Variants in FOXP1 observed in about 807,000 individuals in gnomAD.
FOXP1 encodes the protein forkhead box protein P1.
FOXP1 carries 15 observed loss-of-function variants against 98.2 expected under a neutral mutation model. The observed-to-expected ratio is 0.15, with a 90% CI of 0.10 to 0.24. FOXP1 has a LOEUF of 0.24. Ranked by LOEUF, FOXP1 falls within the 10% of genes least tolerant of loss-of-function variation. FOXP1 has a pLI of 1.00. For missense variants in FOXP1, 633 were observed against 848.5 expected, an observed-to-expected ratio of 0.75 and a Z score of 3.15; for synonymous variants, 371 against 314.5, an observed-to-expected ratio of 1.18 and a Z score of -1.90.
chr3:71,264,168 C>G (rs2069423884), intron 5 of FOXP1, among the ~76,000 whole-genome samples: 1 of 152,112 alleles, frequency 6.6e-6, no homozygotes, highest in African/African-American at 2.4e-5. Flanking sequence ...AGCATGTAAC[C>G]ATTGTACCCA....
intron 12 of FOXP1, among the ~76,000 whole-genome samples, chr3:71,011,041 C>G (rs920252583): frequency 6.6e-6 from 1 of 152,100 alleles, no homozygotes; most frequent in African/African-American, 2.4e-5. Context: ...TAGGCAAGAT[C>G]CTGATACCTG....
At chr3:71,273,638 C>A (rs181284567) in intron 5 of FOXP1, among the ~76,000 whole-genome samples, 6 of 152,268 alleles carry the variant, frequency 3.9e-5, no homozygotes, top group African/African-American at 9.6e-5. Context: ...TGGAACACAA[C>A]CCTTTGCTAA....
intron 6 of FOXP1, among the ~76,000 whole-genome samples, chr3:71,150,895 G>A (rs1425695880): frequency 1.3e-5 from 2 of 152,128 alleles, no homozygotes; most frequent in Non-Finnish European, 2.9e-5. Flanking sequence ...TACTGGCCCT[G>A]TGAAGCCAGT....
rs1280676128 is a variant in FOXP1, at chr3:71,268,084, T to C, written c.-12+31736A>G. Among the ~76,000 whole-genome samples the C allele has an allele frequency of 2.8e-5, 4 of 144,300 alleles. No individual in the cohort carries two copies. The East Asian group carries it at 1.0e-3, about 38-fold the overall frequency. 94.7% of individuals were successfully genotyped at this position (144,300 alleles called of 152,430 possible). On this transcript the variant is annotated intron_variant, in intron 5 of 20. Transcript: ENST00000649528. ...TTATTTCAGCTTCTTTTTTTTCTTTTCTTTTCTTTTTTTTTTTTTTTTTTG... is the reference window on the plus strand; with the variant it reads ...TTATTTCAGCTTCTTTTTTTTCTTTCCTTTTCTTTTTTTTTTTTTTTTTTG...
At chr3:71,443,124 C>A (rs1033698755) in intron 3 of FOXP1, among the ~76,000 whole-genome samples, 1 of 152,154 alleles carries the variant, frequency 6.6e-6, no homozygotes, top group Non-Finnish European at 1.5e-5. Context: ...GAACTCCTGA[C>A]CTCAGGTGAT....
intron 5 of FOXP1, among the ~76,000 whole-genome samples, chr3:71,273,747 A>G (rs1311699569): frequency 1.3e-5 from 2 of 152,208 alleles, no homozygotes; most frequent in Non-Finnish European, 2.9e-5. Flanking sequence ...ATAACAATAC[A>G]AAGTAATAAA....
At chr3:71,571,436 T>C (rs1201440758) in intron 2 of FOXP1, 1 of 152,226 alleles carries the variant, frequency 6.6e-6, no homozygotes, top group Non-Finnish European at 1.5e-5. Flanking sequence ...AAACACTATC[T>C]ACCTTTATAC....
At position 70,955,337 on chromosome 3, in the gene FOXP1, G is replaced by T; in HGVS notation, c.*3910C>A. 4.3e-6 allele frequency: 1 copy of T among 232,930 alleles called. No individual in the cohort carries two copies. The allele number at this position is 232,930 out of a possible 1,614,324, so 14.4% of individuals were successfully genotyped here. A position where few individuals can be genotyped will look rare whatever the true frequency, so the allele number is the denominator to read the frequency against. Reference sequence around the variant, plus strand: ...GATGGTGTTAGAGCTGTCCAAAGGTGGCAGGACTGGTGGTAACTCTTCACG... The same window carrying T: ...GATGGTGTTAGAGCTGTCCAAAGGTTGCAGGACTGGTGGTAACTCTTCACG... On this transcript the variant is annotated 3_prime_UTR_variant, in exon 21 of 21. Transcript: ENST00000649528.
rs376463961 is a variant in FOXP1, at chr3:71,210,618, C to A, written c.-11-12226G>T. Among the ~76,000 whole-genome samples the A allele has an allele frequency of 7.2e-5, 11 of 152,344 alleles. No individual in the cohort carries two copies. The East Asian group carries it at 1.2e-3, about 16-fold the overall frequency. On this transcript the variant is annotated intron_variant, in intron 5 of 20. Transcript: ENST00000649528. ...CAACTGATTGATGATGCAAGTCCGG[C>A]TGCTGGAACAACTAACAGAGAGAAT...
chr3:70,985,838 C>T (rs1184319855), intron 14 of FOXP1, among the ~76,000 whole-genome samples: 1 of 152,194 alleles, frequency 6.6e-6, no homozygotes, highest in South Asian at 2.1e-4. Flanking sequence ...GCTGCTCTAG[C>T]TGTCAAAGGT....
chr3:71,300,886 C>A (rs2073784374), intron 4 of FOXP1, among the ~76,000 whole-genome samples: 1 of 152,146 alleles, frequency 6.6e-6, no homozygotes, highest in African/African-American at 2.4e-5. Context: ...CATCCCTCTG[C>A]TGTCAGCCCT....
At chr3:71,481,133 C>T (rs1212142126) in intron 3 of FOXP1, among the ~76,000 whole-genome samples, 2 of 152,128 alleles carry the variant, frequency 1.3e-5, no homozygotes, top group African/African-American at 2.4e-5. Context: ...GATCACAAAC[C>T]AAATATTTTG....
intron 4 of FOXP1, among the ~76,000 whole-genome samples, chr3:71,338,298 G>A (rs1212142238): frequency 6.6e-6 from 1 of 151,024 alleles, no homozygotes; most frequent in Non-Finnish European, 1.5e-5. Flanking sequence ...AATCCTCTTC[G>A]GTTATTAGCA....
chr3:71,500,878 CCAACTGG>C (rs1397870995), intron 2 of FOXP1, among the ~76,000 whole-genome samples: 1 of 152,180 alleles, frequency 6.6e-6, no homozygotes, highest in Non-Finnish European at 1.5e-5. Context: ...TCCTGCCCAG[CCAACTGG>C]CAGTTACTTC....
chr3:71,164,748 A>AT (rs1188053929), intron 6 of FOXP1, among the ~76,000 whole-genome samples: 1 of 152,162 alleles, frequency 6.6e-6, no homozygotes, highest in African/African-American at 2.4e-5. Flanking sequence ...TCTATTGACC[A>AT]TTTTTTCAAT....
At chr3:71,548,276 CA>C (rs958328032) in intron 2 of FOXP1, among the ~76,000 whole-genome samples, 1 of 152,200 alleles carries the variant, frequency 6.6e-6, no homozygotes, top group African/African-American at 2.4e-5. Context: ...TAAAACTAAA[CA>C]CACACATACA....
chr3:71,350,192 G>A (rs1291971658), intron 4 of FOXP1, among the ~76,000 whole-genome samples: 2 of 152,072 alleles, frequency 1.3e-5, no homozygotes, highest in African/African-American at 4.8e-5. Context: ...ATTTTGACTG[G>A]GCTAAGCTAC....
At chr3:71,417,662 A>G (rs541397731) in intron 3 of FOXP1, among the ~76,000 whole-genome samples, 5 of 152,216 alleles carry the variant, frequency 3.3e-5, no homozygotes, top group Non-Finnish European at 4.4e-5. Flanking sequence ...AATTCCTTTC[A>G]ACCAAAAGGT....
chr3:71,250,158 T>A (rs2068068143), intron 5 of FOXP1, among the ~76,000 whole-genome samples: 1 of 152,228 alleles, frequency 6.6e-6, no homozygotes, highest in African/African-American at 2.4e-5. Flanking sequence ...TTGCAGAATG[T>A]TGAACAGCAT....
Sources: gnomAD v4.1 joint callset for allele counts (sites outside exome capture counted in the v4.1 genomes callset) on GRCh38, gnomAD v4.1.1 for gene constraint, MANE v1.5 for transcripts, NCBI Gene and HGNC (gene_info 2026-07-23, HGNC 2026-07-21) for gene names.